MCF2L: variants seen among roughly 807,000 people sequenced by gnomAD.
MCF2L encodes the protein MCF.2 cell line derived transforming sequence like, also known as guanine nucleotide exchange factor DBS.
Under a neutral mutation model 153.4 loss-of-function variants are expected in MCF2L, and 97 were observed. That is an observed-to-expected ratio of 0.63 (90% CI 0.54 to 0.75). The LOEUF (loss-of-function observed/expected upper bound fraction) is 0.75, where lower values mean the gene tolerates loss of function less well. Among genes scored for constraint, MCF2L ranks in the 30% least tolerant of loss-of-function variants. The pLI, the probability that MCF2L is intolerant of heterozygous loss-of-function variation, is 0.00. For synonymous variants in MCF2L, 659 were observed against 632.2 expected, an observed-to-expected ratio of 1.04 and a Z score of -0.64; for missense variants, 1,347 against 1,495.2, an observed-to-expected ratio of 0.90 and a Z score of 1.64.
chr13:113,029,961 C>T (rs1318088526), intron 3 of MCF2L, among the ~76,000 whole-genome samples: 1 of 152,240 alleles, frequency 6.6e-6, no homozygotes, highest in Non-Finnish European at 1.5e-5. Context: ...CCAAGCATCA[C>T]TTTTATCAAT....
Position 113,064,578 on chromosome 13 carries a change from C to A in MCF2L, c.606+158C>A. On this transcript the variant is annotated intron_variant, in intron 6 of 29. Coordinates refer to ENST00000535094, the MANE Select transcript of MCF2L (RefSeq NM_001112732.3). This position sits in a 1 kb window ranked among gnomAD's most constrained non-coding sequence, Gnocchi z 6.0. ...GGAGATGGTCTCAGTGGACCTTAGT[C>A]ATTGTAAAGAAGTAACGTGAGTCAT... 3.4e-6 allele frequency: 2 copies of A among 589,840 alleles called. No homozygotes were observed. The highest frequency in any genetic ancestry group is 6.1e-6 in the Non-Finnish European group (2 of 328,282). The allele number at this position is 589,840 out of a possible 1,614,324, so 36.5% of individuals were successfully genotyped here. A position where few individuals can be genotyped will look rare whatever the true frequency, so the allele number is the denominator to read the frequency against.
rs200589341 is a variant in MCF2L at position 113,082,414 on chromosome 13, G to C, written c.1876-13G>C. 6.3e-7 allele frequency: 1 copy of C among 1,584,864 alleles called. No homozygotes were observed. Among genetic ancestry groups the C allele is most frequent in the Non-Finnish European group, 8.7e-7 (1 of 1,153,846 alleles). On this transcript the variant is annotated splice_polypyrimidine_tract_variant and intron_variant, in intron 16 of 29. Coordinates refer to ENST00000535094, the MANE Select transcript of MCF2L (RefSeq NM_001112732.3). ...GCCCAGGACCCCCGCCGACCTCTGC[G>C]CTCTCCCTGCAGGGCTACGCCGCGG...
chr13:113,015,579 A>G (rs1027963562), intron 2 of MCF2L, among the ~76,000 whole-genome samples: 2 of 152,088 alleles, frequency 1.3e-5, no homozygotes, highest in African/African-American at 4.8e-5. Flanking sequence ...CCGGCCCCCA[A>G]TCCATGGCTG....
chr13:112,929,201 T>G (rs535986245), intron 2 of MCF2L, among the ~76,000 whole-genome samples: 172 of 152,346 alleles, frequency 1.1e-3, no homozygotes, highest in Non-Finnish European at 1.9e-3. Context: ...AATCAGGGAC[T>G]TACCTGATCA....
intron 3 of MCF2L, chr13:113,034,041 G>T (rs1363738459): frequency 1.8e-5 from 3 of 166,602 alleles, no homozygotes; most frequent in African/African-American, 7.3e-5. Context: ...TACTGCTGTT[G>T]AATTCAACAG....
intron 3 of MCF2L, chr13:113,033,732 TCTGAAGCC>T (rs1351995221): frequency 6.4e-6 from 1 of 157,312 alleles, no homozygotes; most frequent in Non-Finnish European, 1.5e-5. Context: ...CCCTCCATGG[TCTGAAGCC>T]CTGAGTGGAA....
intron 1 of MCF2L, among the ~76,000 whole-genome samples, chr13:112,898,178 A>G (rs939964463): frequency 6.6e-6 from 1 of 152,092 alleles, no homozygotes; most frequent in Non-Finnish European, 1.5e-5. Flanking sequence ...TCCTATCTTT[A>G]GTGCCCAGTG....
rs2035830319 is a variant in MCF2L, at chr13:113,099,244, A to C, written c.*2385A>C. ...GCAAAGTTGGCAGTCGGCAGACAGC[A>C]ATGTTGACTGTCATGAAAAGTGATC... On this transcript the variant is annotated 3_prime_UTR_variant, in exon 30 of 30. Coordinates refer to ENST00000535094, the MANE Select transcript of MCF2L (RefSeq NM_001112732.3). 1.3e-5 allele frequency: 2 copies of C among 152,236 alleles called. No individual in the cohort carries two copies. Among genetic ancestry groups the C allele is most frequent in the African/African-American group, 4.8e-5 (2 of 41,462 alleles). The allele number at this position is 152,236 out of a possible 1,614,324, so 9.4% of individuals were successfully genotyped here.
At position 113,086,176 on chromosome 13, in the gene MCF2L, C is replaced by T; in HGVS notation, c.2300C>T (p.Ala767Val). The T allele has an allele frequency of 1.2e-6, 2 of 1,610,644 alleles. No homozygotes were observed. Among genetic ancestry groups the T allele is most frequent in the South Asian group, 1.1e-5 (1 of 90,674 alleles). The change falls in exon 21 of 30, where the codon GCG (alanine) becomes GTG (valine). Residue 767 changes from alanine (A) to valine (V), a missense_variant. Physicochemically the swap from Ala to Val is moderately conservative, Grantham distance 64. Around this residue, in one of 3 missense-constraint regions of MCF2L, gnomAD observed 144 missense variants for 238.7 expected, o/e 0.60. Coordinates refer to ENST00000535094, the MANE Select transcript of MCF2L (RefSeq NM_001112732.3). ...GAGGGGGCTGAGGACCTGCAGGAGG[C>T]GCTGAGCTCCATCCTGGGCATCCTG... ...NCEGAEDLQE[A>V]LSSILGILKA... is the part of the protein sequence containing the mutation.
chr13:113,048,583 A>T (rs2086985926), intron 4 of MCF2L, among the ~76,000 whole-genome samples: 1 of 152,010 alleles, frequency 6.6e-6, no homozygotes, highest in African/African-American at 2.4e-5. Context: ...CTGGGACTAC[A>T]GGCACCTGCC....
chr13:112,954,123 A>G (rs1442727889), intron 2 of MCF2L, among the ~76,000 whole-genome samples: 6 of 152,158 alleles, frequency 3.9e-5, no homozygotes, highest in Admixed American at 1.3e-4. Flanking sequence ...GGGACTTGCT[A>G]TGCACTTGTC....
chr13:113,035,103 C>T lies in MCF2L; in HGVS notation c.279-10168C>T, dbSNP rs569170600. 1.5e-4 allele frequency among the ~76,000 whole-genome samples: 23 copies of T among 152,328 alleles called. No individual in the cohort carries two copies. The highest frequency in any genetic ancestry group is 1.3e-3 in the Admixed American group (20 of 15,302). ...GCACCCCCGTGCAGACCTCACCATT[C>T]CCGACGGGAACACTTGTGATATTCA... On this transcript the variant is annotated intron_variant, in intron 3 of 29. Transcript: ENST00000535094. This position sits in a 1 kb window ranked among gnomAD's most constrained non-coding sequence, Gnocchi z 4.4.
intron 15 of MCF2L, among the ~76,000 whole-genome samples, 196 bp from the exon 16 acceptor site, chr13:113,081,017 C>T (rs569003276): frequency 1.3e-5 from 2 of 152,326 alleles, no homozygotes; most frequent in South Asian, 2.1e-4. Flanking sequence ...AGGCTTCAGC[C>T]GCCGTCTGCA....
chr13:112,914,132 T>A (rs779465332), intron 2 of MCF2L, among the ~76,000 whole-genome samples: 45 of 152,238 alleles, frequency 3.0e-4, no homozygotes, highest in Non-Finnish European at 5.6e-4. Context: ...GTCTTGTGGT[T>A]AAGAAATCAA....
rs568134555 is a variant in MCF2L at position 112,993,859 on chromosome 13, G to C, written c.80-20904G>C. ...GTTAAGAGACGTGTTTGCCTCCTGGGTGGGTAGGATTTTCCCCTCCCTTAG... is the reference window on the plus strand; with the variant it reads ...GTTAAGAGACGTGTTTGCCTCCTGGCTGGGTAGGATTTTCCCCTCCCTTAG... On this transcript the variant is annotated intron_variant, in intron 1 of 29. Coordinates refer to ENST00000535094, the MANE Select transcript of MCF2L (RefSeq NM_001112732.3). This position sits in a 1 kb window ranked among gnomAD's most constrained non-coding sequence, Gnocchi z 4.6. 3.3e-5 allele frequency among the ~76,000 whole-genome samples: 5 copies of C among 152,100 alleles called. No individual in the cohort carries two copies. Among genetic ancestry groups the C allele is most frequent in the Non-Finnish European group, 5.9e-5 (4 of 68,022 alleles).
chr13:113,065,995 G>A (rs768765409), intron 7 of MCF2L, 51 bp from the exon 8 acceptor site: 3 of 1,590,958 alleles, frequency 1.9e-6, no homozygotes, highest in African/African-American at 1.3e-5. Context: ...CCACCAGCCT[G>A]CGCTGTGTGC....
intron 2 of MCF2L, among the ~76,000 whole-genome samples, chr13:112,955,081 T>C (rs2081741007): frequency 6.6e-6 from 1 of 152,158 alleles, no homozygotes; most frequent in East Asian, 1.9e-4. Context: ...GGGACCCTGG[T>C]CCCAGGCGTA....
rs1268827666 is a variant in MCF2L, at chr13:112,960,774, T to C, written c.170-53989T>C. ...CCAGGTGCTGCCTGCATTCCTGGGC[T>C]CATGGCCGCACCACCCAGACCCTTA... On this transcript the variant is annotated intron_variant, in intron 2 of 29. Transcript: ENST00000375608. This position sits in a 1 kb window ranked among gnomAD's most constrained non-coding sequence, Gnocchi z 4.2. Among the ~76,000 whole-genome samples the C allele has an allele frequency of 8.5e-5, 13 of 152,130 alleles. No homozygotes were observed. The highest frequency in any genetic ancestry group is 8.5e-4 in the Admixed American group (13 of 15,280).
intron 26 of MCF2L, chr13:113,091,261 T>C (rs1032954624): frequency 7.8e-7 from 1 of 1,285,208 alleles, no homozygotes; most frequent in Admixed American, 2.3e-5. Context: ...CAGCTGGCTG[T>C]CAGGTGGCCG....
Sources: allele counts gnomAD v4.1 joint callset (sites outside exome capture counted in the v4.1 genomes callset), GRCh38; gene constraint gnomAD v4.1.1; regional missense constraint gnomAD v4.1.1; non-coding constraint Gnocchi (gnomAD v3.1); transcripts MANE v1.5; gene names NCBI Gene and HGNC (gene_info 2026-07-23, HGNC 2026-07-21).